Variants in PCNX1 observed in about 807,000 individuals in gnomAD.
PCNX1 encodes the protein pecanex-like protein 1.
PCNX1 carries 78 observed loss-of-function variants against 242.2 expected under a neutral mutation model. That is an observed-to-expected ratio of 0.32 (90% CI 0.27 to 0.39). The LOEUF (loss-of-function observed/expected upper bound fraction) is 0.39. PCNX1 is among the 10% of genes least tolerant of loss of function. PCNX1 has a pLI of 1.00. For missense variants in PCNX1, 2,581 were observed against 2,856.5 expected (o/e 0.90, Z 2.20); for synonymous variants, 1,024 against 1,032.9 (o/e 0.99, Z 0.17).
At chr14:71,019,593 G>C (rs2060044342) in intron 12 of PCNX1, among the ~76,000 whole-genome samples, 2 of 152,034 alleles carry the variant, frequency 1.3e-5, no homozygotes, top group South Asian at 4.1e-4. Context: ...GTAGAGACGG[G>C]GTTTCACCAT....
chr14:70,922,958 A>G (rs2056437288), intron 1 of PCNX1, among the ~76,000 whole-genome samples: 1 of 152,134 alleles, frequency 6.6e-6, no homozygotes, highest in Non-Finnish European at 1.5e-5. Flanking sequence ...CCAGGATGTG[A>G]AAGTATCTGT....
chr14:70,932,086 C>T (rs2056822148), intron 1 of PCNX1, among the ~76,000 whole-genome samples: 2 of 152,344 alleles, frequency 1.3e-5, no homozygotes, highest in South Asian at 4.1e-4. Flanking sequence ...GAGATCGCGC[C>T]ATTGCACTCC....
chr14:70,978,454 G>A lies in PCNX1; in HGVS notation c.2117G>A (p.Arg706Lys). 1 of 1,614,084 alleles carries A rather than the reference G, an allele frequency of 6.2e-7. No individual in the cohort carries two copies. The highest frequency in any genetic ancestry group is 8.5e-7 in the Non-Finnish European group (1 of 1,179,960). The change falls in exon 6 of 36, where the codon AGG becomes AAG. Residue 706 changes from arginine to lysine, a missense_variant. Arg to Lys is a conservative substitution (Grantham distance 26). Around this residue, in one of 9 missense-constraint regions of PCNX1, gnomAD observed 1,204 missense variants for 1,216.7 expected, o/e 0.99. Coordinates refer to ENST00000304743, the MANE Select transcript of PCNX1 (RefSeq NM_014982.3). ...GTAGCATGTTTGAATGACTCAAACA[G>A]GTTAATGGCACCTGAAAGTATAAAG... The part of the protein sequence containing the change: ...GTVACLNDSN[R>K]LMAPESIKPL...
chr14:71,084,863 T>C (rs2061944747), intron 28 of PCNX1, among the ~76,000 whole-genome samples: 1 of 152,146 alleles, frequency 6.6e-6, no homozygotes, highest in Non-Finnish European at 1.5e-5. Flanking sequence ...AACAGTTCTG[T>C]CTCGCTGGCA....
At chr14:70,914,717 A>G (rs951267410) in intron 1 of PCNX1, among the ~76,000 whole-genome samples, 1 of 152,142 alleles carries the variant, frequency 6.6e-6, no homozygotes, top group South Asian at 2.1e-4. Flanking sequence ...TTATTCCTCT[A>G]TCTGTCCACC....
intron 5 of PCNX1, among the ~76,000 whole-genome samples, chr14:70,975,151 C>G (rs1847709424): frequency 6.6e-6 from 1 of 151,806 alleles, no homozygotes; most frequent in African/African-American, 2.4e-5. Context: ...GATAAGTTTT[C>G]TGTAAAATTC....
Position 70,959,234 on chromosome 14 carries a change from T to A in PCNX1, c.363-2992T>A, listed in dbSNP as rs558924115. Among the ~76,000 whole-genome samples, 109 of 144,742 alleles carry A rather than the reference T, an allele frequency of 7.5e-4. No homozygotes were observed. The East Asian group carries it at 0.018, about 24-fold the overall frequency. 95.0% of individuals were successfully genotyped at this position (144,742 alleles called of 152,430 possible). Reference sequence around the variant, plus strand: ...GGTTCCTGTTATCTTTTTTTTTTTTTAATTATTATTATACTTTAAGTTTTA... The same window carrying A: ...GGTTCCTGTTATCTTTTTTTTTTTTAAATTATTATTATACTTTAAGTTTTA... On this transcript the variant is annotated intron_variant, in intron 2 of 35. Coordinates refer to ENST00000304743, the MANE Select transcript of PCNX1 (RefSeq NM_014982.3).
chr14:71,007,192 C>CT (rs202066678), intron 8 of PCNX1, among the ~76,000 whole-genome samples: 266 of 144,892 alleles, frequency 1.8e-3, no homozygotes, highest in East Asian at 0.015. Context: ...TTTAGAAAAG[C>CT]TTTTTTTTTT....
intron 26 of PCNX1, among the ~76,000 whole-genome samples, chr14:71,065,860 T>G (rs1167164443): frequency 6.6e-6 from 1 of 152,216 alleles, no homozygotes; most frequent in Non-Finnish European, 1.5e-5. Context: ...ACACCATTTA[T>G]TAAATAGGGA....
rs1252255346 is a variant in PCNX1, at chr14:71,112,601, A to T, written c.*2666A>T. The T allele has an allele frequency of 6.6e-6, 1 of 152,130 alleles. No homozygotes were observed. The highest frequency in any genetic ancestry group is 1.5e-5 in the Non-Finnish European group (1 of 67,968). 9.4% of individuals were successfully genotyped at this position (152,130 alleles called of 1,614,324 possible). A position where few individuals can be genotyped will look rare whatever the true frequency, so the allele number is the denominator to read the frequency against. On this transcript the variant is annotated 3_prime_UTR_variant, in exon 36 of 36. Transcript: ENST00000304743. The stretch of plus-strand genomic sequence containing the variant: ...AAACATACTTGTGTTAACTAAATTG[A>T]TCATAAATTCTTGTTCCTGCCTCAC...
chr14:70,914,991 C>T (rs2056092535), intron 1 of PCNX1, among the ~76,000 whole-genome samples: 1 of 152,100 alleles, frequency 6.6e-6, no homozygotes, highest in Non-Finnish European at 1.5e-5. Flanking sequence ...ATTAGGTTAT[C>T]CTGTTCTAGA....
intron 22 of PCNX1, among the ~76,000 whole-genome samples, chr14:71,048,796 C>T (rs766288131): frequency 8.0e-5 from 12 of 150,764 alleles, no homozygotes; most frequent in African/African-American, 1.2e-4. Flanking sequence ...ACAGCTTAAG[C>T]GATAATGACA....
At chr14:70,991,031 TGG>T (rs948122023) in intron 7 of PCNX1, among the ~76,000 whole-genome samples, 2 of 152,300 alleles carry the variant, frequency 1.3e-5, no homozygotes, top group African/African-American at 4.8e-5. Context: ...ATGAGCCTGC[TGG>T]ATACCACTTA....
At chr14:70,908,294 C>T (rs2055659739) in intron 1 of PCNX1, among the ~76,000 whole-genome samples, 1 of 152,120 alleles carries the variant, frequency 6.6e-6, no homozygotes, top group African/African-American at 2.4e-5. Flanking sequence ...CCTGCGGCCA[C>T]TCGGCTAGGC....
intron 19 of PCNX1, among the ~76,000 whole-genome samples, chr14:71,042,253 A>G (rs992666135): frequency 3.9e-5 from 6 of 152,144 alleles, no homozygotes; most frequent in African/African-American, 9.7e-5. Flanking sequence ...GATCTGTACA[A>G]TGTTGAAATC....
rs1386752289 is a variant in PCNX1, at chr14:71,047,129, T to C, written c.4160+24T>C. The C allele has an allele frequency of 6.4e-6, 9 of 1,403,884 alleles. No individual in the cohort carries two copies. The East Asian group carries it at 2.0e-4, about 30-fold the overall frequency. The allele number at this position is 1,403,884 out of a possible 1,614,324, so 87.0% of individuals were successfully genotyped here. A position where few individuals can be genotyped will look rare whatever the true frequency, so the allele number is the denominator to read the frequency against. ...GAGTAAGTATAGTAGTCTTCTAATA[T>C]TGTCTGACTACTGGGGGCTGTTATA... is the stretch of plus-strand genomic sequence containing the variant. On this transcript the variant is annotated intron_variant, in intron 21 of 35. Transcript: ENST00000304743.
At position 71,060,493 on chromosome 14, in the gene PCNX1, C is replaced by A. The variant is rs951558329; in HGVS notation, c.4852+2769C>A. On this transcript the variant is annotated intron_variant, in intron 26 of 35. Coordinates refer to ENST00000304743, the MANE Select transcript of PCNX1 (RefSeq NM_014982.3). ...TCATTTTCTCTGTGTTTGATTTGAT[C>A]TTGTGTCATTCGATTTTATGGCCCC... Among the ~76,000 whole-genome samples, 37 of 152,284 alleles carry A rather than the reference C, an allele frequency of 2.4e-4. 1 individual carries two copies. The East Asian group carries it at 7.1e-3, about 29-fold the overall frequency.
chr14:70,910,065 CCTCCT>C (rs2055780474), intron 1 of PCNX1, among the ~76,000 whole-genome samples: 1 of 60,784 alleles, frequency 1.6e-5, no homozygotes, highest in Non-Finnish European at 3.4e-5. Flanking sequence ...TCCTCCTCCC[CCTCCT>C]CCTCCTCCTC....
intron 25 of PCNX1, among the ~76,000 whole-genome samples, chr14:71,057,203 A>G (rs2141242811): frequency 6.6e-6 from 1 of 152,262 alleles, no homozygotes; most frequent in South Asian, 2.1e-4. Context: ...TATAAAGCAT[A>G]TTTTATTGAA....
Sources: allele counts gnomAD v4.1 joint callset (sites outside exome capture counted in the v4.1 genomes callset), GRCh38; gene constraint gnomAD v4.1.1; regional missense constraint gnomAD v4.1.1; transcripts MANE v1.5; gene names NCBI Gene and HGNC (gene_info 2026-07-23, HGNC 2026-07-21).